The following TTN variants were observed in gnomAD, a reference collection of about 807,000 sequenced individuals.
TTN encodes the protein connectin.
In TTN, 1,525 loss-of-function variants were observed where a neutral mutation model predicts 3,223.0. That is an observed-to-expected ratio of 0.47 (90% CI 0.45 to 0.49). TTN has a LOEUF of 0.49. Ranked by LOEUF, TTN falls within the 20% of genes least tolerant of loss-of-function variation. The pLI is 0.00. For synonymous variants in TTN, 14,094 were observed against 15,161.0 expected (o/e 0.93, Z 5.17); for missense variants, 40,786 against 43,424.0 (o/e 0.94, Z 5.40).
chr2:178,757,763 G>A lies in TTN; in HGVS notation c.10457C>T (p.Ala3486Val), dbSNP rs374093805. Residue 3486 changes from alanine to valine, a missense_variant, in exon 45 of 363, where the codon GCG (alanine) becomes GTG (valine). Transcript: ENST00000589042. ...VHNGETVRFH[A>V]RVSGIPKPEI... ...TGGCTTGGGAATGCCAGAAACCCTC[G>A]CATGAAATCTGACTGTCTCCCCGTT... 7.7e-5 allele frequency: 124 copies of A among 1,613,742 alleles called. 2 individuals carry two copies. In the South Asian group the frequency reaches 1.1e-3, roughly 15 times the overall value.
chr2:178,633,735 G>A, intron 231 of TTN, 59 bp from the exon 232 acceptor site: 3 of 1,605,444 alleles, frequency 1.9e-6, no homozygotes, highest in Non-Finnish European at 2.5e-6. Flanking sequence ...TTATTAAAGA[G>A]TAAAAGGTTG....
intron 2 of TTN, among the ~76,000 whole-genome samples, chr2:178,803,255 AT>A (rs1183824801): frequency 6.6e-6 from 1 of 152,118 alleles, no homozygotes; most frequent in Non-Finnish European, 1.5e-5. Context: ...GGTATTGGAT[AT>A]TTTCAGTAGT....
intron 96 of TTN, 63 bp downstream of exon 96, chr2:178,711,881 A>G: frequency 6.6e-7 from 1 of 1,511,876 alleles, no homozygotes; most frequent in Non-Finnish European, 8.8e-7. Context: ...AGGCCTCCCC[A>G]GACATTTTAA....
chr2:178,673,638 G>A lies in TTN; in HGVS notation c.34781C>T (p.Ala11594Val), dbSNP rs1560269413. 1 of 1,593,052 alleles carries A rather than the reference G, an allele frequency of 6.3e-7. No homozygotes were observed. The highest frequency in any genetic ancestry group is 2.3e-5 in the East Asian group (1 of 44,124). Residue 11594 changes from alanine to valine, a missense_variant, in exon 152 of 363, where the codon GCT becomes GTT. Coordinates refer to ENST00000589042, the MANE Select transcript of TTN (RefSeq NM_001267550.2). ...PVPKKVEAPP[A>V]KVSKKIPEEK... ...ATAATGAGGATTTGATATACCTTTA[G>A]CTGGTGGTGCCTCCACTTTTTTAGG...
rs56308529 is a variant in TTN, at chr2:178,531,435, C to T, written c.105180G>A (p.Glu35060=). 2 of 1,613,942 alleles carry T rather than the reference C, an allele frequency of 1.2e-6. No homozygotes were observed. Among genetic ancestry groups the T allele is most frequent in the African/African-American group, 1.3e-5 (1 of 75,048 alleles). ...TCTTAAATGATGAAACAGCATACGC[C>T]TCTGTTCTTGTCAGCTCAGGGAAAA... ...RSVFPELTRT[E]AYAVSSFKKT... Residue 35060 remains glutamate, a synonymous_variant, in exon 358 of 363, where the codon GAG becomes GAA. Coordinates refer to ENST00000589042, the MANE Select transcript of TTN (RefSeq NM_001267550.2).
chr2:178,701,221 C>T lies in TTN; in HGVS notation c.30599-18G>A, dbSNP rs2074913558. On this transcript the variant is annotated intron_variant, in intron 110 of 362. Transcript: ENST00000589042. ...AGGGATTTCTGAAGAAAATAAATGC[C>T]GTTAGTAACATGTTTTAGTTTCTTA... 4 of 1,591,464 alleles carry T rather than the reference C, an allele frequency of 2.5e-6. No individual in the cohort carries two copies. Among genetic ancestry groups the T allele is most frequent in the Admixed American group, 1.8e-5 (1 of 55,992 alleles).
rs1440897182 is a variant in TTN at position 178,705,331 on chromosome 2, C to T, written c.29447G>A (p.Gly9816Glu). ...CATGATATCAATTTCCTCTTCTTCTCCAGCTCCTTTCTTTAAGATTGGAGT... is the reference window on the plus strand; with the variant it reads ...CATGATATCAATTTCCTCTTCTTCTTCAGCTCCTTTCTTTAAGATTGGAGT... The part of the protein sequence containing the change: ...KKTPILKKGA[G>E]EEEEIDIMEL... Residue 9816 changes from glycine to glutamate, a missense_variant, in exon 103 of 363, where the codon GGA (glycine) becomes GAA (glutamate). Gly to Glu is a moderately conservative substitution (Grantham distance 98). Transcript: ENST00000589042. 1 of 1,601,148 alleles carries T rather than the reference C, an allele frequency of 6.2e-7. No homozygotes were observed. Among genetic ancestry groups the T allele is most frequent in the African/African-American group, 1.3e-5 (1 of 74,682 alleles).
At position 178,807,327 on chromosome 2, in the gene TTN, T is replaced by C. The variant is rs551991315; in HGVS notation, c.-129A>G. On this transcript the variant is annotated 5_prime_UTR_variant, in exon 1 of 363. Coordinates refer to ENST00000589042, the MANE Select transcript of TTN (RefSeq NM_001267550.2). ...TCTCCGACATGAATCGGTGAGCCTC[T>C]AATCCTAAAAACAAAACTACACAGT... The C allele has an allele frequency of 5.9e-5, 9 of 152,260 alleles. No individual in the cohort carries two copies. The highest frequency in any genetic ancestry group is 2.6e-4 in the Admixed American group (4 of 15,298). 9.4% of individuals were successfully genotyped at this position (152,260 alleles called of 1,614,324 possible). A position where few individuals can be genotyped will look rare whatever the true frequency, so the allele number is the denominator to read the frequency against.
rs747395628 is a variant in TTN at position 178,683,182 on chromosome 2, T to C, written c.32887+29A>G. The C allele has an allele frequency of 9.7e-6, 14 of 1,441,464 alleles. No homozygotes were observed. The African/African-American group carries it at 1.8e-4, about 19-fold the overall frequency. 89.3% of individuals were successfully genotyped at this position (1,441,464 alleles called of 1,614,324 possible). On this transcript the variant is annotated intron_variant, in intron 134 of 362. Transcript: ENST00000589042. ...GCAAAGAGCCAGATAGTTTCATGCC[T>C]CACATTACTTAATCAAAGTTCAATA...
At chr2:178,555,429 A>T in intron 330 of TTN, 1 of 366,628 alleles carries the variant, frequency 2.7e-6, no homozygotes, top group Non-Finnish European at 4.8e-6. Flanking sequence ...GAAATGGGAT[A>T]TGGTAGTGAG....
chr2:178,624,781 GT>G (rs779798883), intron 241 of TTN, 50 bp from the exon 242 acceptor site: 5 of 1,595,516 alleles, frequency 3.1e-6, no homozygotes, highest in Non-Finnish European at 4.3e-6. Flanking sequence ...TTCTCCAAGA[GT>G]TTTGGTACCT....
chr2:178,531,133 G>T lies in TTN; in HGVS notation c.105482C>A (p.Thr35161Asn), dbSNP rs372263729. The T allele has an allele frequency of 3.2e-5, 52 of 1,613,820 alleles. No individual in the cohort carries two copies. In the African/African-American group the frequency reaches 6.4e-4, roughly 20 times the overall value. The change falls in exon 358 of 363, where the codon ACC (threonine) becomes AAC (asparagine). Residue 35161 changes from threonine to asparagine, a missense_variant. Thr to Asn is a moderately conservative substitution (Grantham distance 65, BLOSUM62 0). Transcript: ENST00000589042. ...DTDGEPVPTV[T>N]WLRKGQVLST... Reference sequence around the variant, plus strand: ...TAGCACTTGTCCTTTACGCAGCCAGGTCACAGTTGGTACCGGCTCACCATC... The same window carrying T: ...TAGCACTTGTCCTTTACGCAGCCAGTTCACAGTTGGTACCGGCTCACCATC...
rs1472562714 is a variant in TTN, at chr2:178,681,166, C to T, written c.33253G>A (p.Glu11085Lys). ...TCCTCAAAAACTTTCTTTGGTTCTT[C>T]AGGCACTTTAAAGATATTAATTATT... is the stretch of plus-strand genomic sequence containing the variant. ...KLKPPPPKVPEEPKKVFEEKI... is the reference protein window; with the variant it reads ...KLKPPPPKVPKEPKKVFEEKI... Residue 11085 changes from glutamate to lysine, a missense_variant, in exon 138 of 363, where the codon GAA (glutamate) becomes AAA (lysine). Glu to Lys is a moderately conservative substitution (Grantham distance 56, BLOSUM62 1). Coordinates refer to ENST00000589042, the MANE Select transcript of TTN (RefSeq NM_001267550.2). 2 of 1,601,188 alleles carry T rather than the reference C, an allele frequency of 1.2e-6. No homozygotes were observed. The highest frequency in any genetic ancestry group is 1.8e-5 in the Admixed American group (1 of 57,112).
At position 178,715,225 on chromosome 2, in the gene TTN, G is replaced by A. The variant is rs547017929; in HGVS notation, c.25961C>T (p.Thr8654Ile). Residue 8654 changes from threonine to isoleucine, a missense_variant, in exon 90 of 363, where the codon ACA becomes ATA. Thr to Ile is a moderately conservative substitution (Grantham distance 89, BLOSUM62 -1). Coordinates refer to ENST00000589042, the MANE Select transcript of TTN (RefSeq NM_001267550.2). ...IFRKKPHPIE[T>I]LKGADVHLEC... The stretch of plus-strand genomic sequence containing the variant: ...AAGGTGAACATCAGCTCCTTTCAGT[G>A]TCTCTATAGGATGAGGCTTTTTGCG... 4.6e-5 allele frequency: 74 copies of A among 1,613,294 alleles called. 1 individual carries two copies. In the South Asian group the frequency reaches 7.5e-4, roughly 16 times the overall value.
chr2:178,723,355 A>G (rs367701975), intron 74 of TTN, 31 bp from the exon 75 acceptor site: 18 of 1,604,474 alleles, frequency 1.1e-5, no homozygotes, highest in Non-Finnish European at 1.4e-5. Flanking sequence ...GCAGTTAAAC[A>G]CAAGAAAAAC....
At chr2:178,748,155 A>G in intron 47 of TTN, 1 of 1,613,202 alleles carries the variant, frequency 6.2e-7, no homozygotes, top group Non-Finnish European at 8.5e-7. Flanking sequence ...CTTTTCTCAG[A>G]AAGATCAGTT....
intron 301 of TTN, 32 bp downstream of exon 301, chr2:178,592,347 A>T (rs767034834): frequency 6.3e-7 from 1 of 1,597,636 alleles, no homozygotes; most frequent in East Asian, 2.2e-5. Context: ...ATCAAAATTT[A>T]TTTTTAATGG....
chr2:178,671,235 A>G (rs950886119), intron 155 of TTN, 65 bp from the exon 156 acceptor site: 53 of 1,184,458 alleles, frequency 4.5e-5, no homozygotes, highest in Admixed American at 2.2e-4. Flanking sequence ...ACTACTACTA[A>G]CGTTAGTACA....
At position 178,674,849 on chromosome 2, in the gene TTN, G is replaced by A. The variant is rs547275428; in HGVS notation, c.34612+190C>T. ...AAACAAATAGCAAACAGACAAACAG[G>A]CTGAACATGCAAAGAGATTCAAATA... On this transcript the variant is annotated intron_variant, in intron 150 of 362. Transcript: ENST00000589042. 3.3e-5 allele frequency among the ~76,000 whole-genome samples: 5 copies of A among 151,732 alleles called. No homozygotes were observed. In the East Asian group the frequency reaches 7.7e-4, roughly 23 times the overall value.
Sources: allele counts gnomAD v4.1 joint callset (sites outside exome capture counted in the v4.1 genomes callset), GRCh38; gene constraint gnomAD v4.1.1; transcripts MANE v1.5; gene names NCBI Gene and HGNC (gene_info 2026-07-23, HGNC 2026-07-21).